SAMTOR: variants seen among roughly 807,000 people sequenced by gnomAD.
SAMTOR encodes UPF0532 protein C7orf60.
chr7:112,895,149 CTT>C, the SAMTOR span, among the ~76,000 whole-genome samples: 6 of 151,398 alleles, frequency 4.0e-5, no homozygotes, highest in Admixed American at 1.3e-4. Context: ...TGTTTTGATT[CTT>C]TGTTTTGATA....
chr7:112,926,253 C>A, the SAMTOR span, among the ~76,000 whole-genome samples: 1 of 152,190 alleles, frequency 6.6e-6, no homozygotes, highest in South Asian at 2.1e-4. Flanking sequence ...TGAGGCAACA[C>A]AGGCATCTGT....
the SAMTOR span, among the ~76,000 whole-genome samples, chr7:112,839,398 C>G: frequency 6.6e-6 from 1 of 151,812 alleles, no homozygotes; most frequent in Admixed American, 6.6e-5. Flanking sequence ...TAGGCAAGAC[C>G]ACTAATGGAT....
At chr7:112,833,080 CA>C in the SAMTOR span, among the ~76,000 whole-genome samples, 2 of 152,134 alleles carry the variant, frequency 1.3e-5, no homozygotes, top group African/African-American at 4.8e-5. Context: ...CTGGCTCCCC[CA>C]CCCCCAACCC....
the SAMTOR span, among the ~76,000 whole-genome samples, chr7:112,877,988 T>C: frequency 2.6e-5 from 4 of 152,286 alleles, no homozygotes; most frequent in East Asian, 7.8e-4. Flanking sequence ...TCTTTTCTTG[T>C]AAATTATCCG....
At chr7:112,927,981 C>T in the SAMTOR span, among the ~76,000 whole-genome samples, 1 of 151,946 alleles carries the variant, frequency 6.6e-6, no homozygotes, top group Non-Finnish European at 1.5e-5. Flanking sequence ...TGACTAAACT[C>T]ACCTTCAAAA....
At chr7:112,827,915 G>A in the SAMTOR span, among the ~76,000 whole-genome samples, 1 of 151,988 alleles carries the variant, frequency 6.6e-6, no homozygotes, top group Non-Finnish European at 1.5e-5. Context: ...GGGTCTTGCT[G>A]TGTTGCATAG....
chr7:112,934,912 T>G, the SAMTOR span, among the ~76,000 whole-genome samples: 3 of 152,344 alleles, frequency 2.0e-5, no homozygotes, highest in South Asian at 6.2e-4. Flanking sequence ...TAAACACTAA[T>G]GTACATTGTA....
At chr7:112,896,200 CGCACGCGCGTGTGTGT>C in the SAMTOR span, among the ~76,000 whole-genome samples, 1 of 151,894 alleles carries the variant, frequency 6.6e-6, no homozygotes, top group Non-Finnish European at 1.5e-5. Context: ...CGTGCACGCG[CGCACGCGCGTGTGTGT>C]GTTTGTATGT....
the SAMTOR span, among the ~76,000 whole-genome samples, chr7:112,886,423 A>G: frequency 6.6e-6 from 1 of 152,236 alleles, no homozygotes; most frequent in Non-Finnish European, 1.5e-5. Context: ...ATACTCTTCA[A>G]CCTAAAACTC....
At chr7:112,933,539 T>C in the SAMTOR span, among the ~76,000 whole-genome samples, 3 of 152,208 alleles carry the variant, frequency 2.0e-5, no homozygotes, top group African/African-American at 7.2e-5. Flanking sequence ...GATGTTTCAC[T>C]CTGTATACTG....
At chr7:112,909,164 C>A in the SAMTOR span, among the ~76,000 whole-genome samples, 1 of 152,152 alleles carries the variant, frequency 6.6e-6, no homozygotes, top group Non-Finnish European at 1.5e-5. Context: ...ATTTTAACCC[C>A]CCAGCCTATC....
the SAMTOR span, among the ~76,000 whole-genome samples, chr7:112,935,595 GTGAT>G: frequency 6.8e-6 from 1 of 147,652 alleles, no homozygotes; most frequent in Non-Finnish European, 1.5e-5. Flanking sequence ...ACTTTTTTTT[GTGAT>G]TGATTTATAA....
the SAMTOR span, among the ~76,000 whole-genome samples, chr7:112,860,374 C>T: frequency 6.6e-6 from 1 of 152,258 alleles, no homozygotes; most frequent in Admixed American, 6.5e-5. Context: ...ATACACAACC[C>T]TACACAGACA....
the SAMTOR span, among the ~76,000 whole-genome samples, chr7:112,902,441 A>C: frequency 8.2e-5 from 11 of 134,020 alleles, 1 homozygote; most frequent in South Asian, 2.4e-4. Flanking sequence ...AAAAAAAACA[A>C]AAAAAAACAA....
the SAMTOR span, among the ~76,000 whole-genome samples, chr7:112,875,382 T>A: frequency 6.6e-6 from 1 of 152,164 alleles, no homozygotes; most frequent in East Asian, 1.9e-4. Flanking sequence ...CAATTATAGC[T>A]TTTCAGACTG....
chr7:112,866,850 T>C, the SAMTOR span, among the ~76,000 whole-genome samples: 2 of 152,244 alleles, frequency 1.3e-5, no homozygotes, highest in East Asian at 1.9e-4. Context: ...GACTTCATAC[T>C]AATCCCTGCT....
chr7:112,896,859 A>G, the SAMTOR span, among the ~76,000 whole-genome samples: 1 of 152,222 alleles, frequency 6.6e-6, no homozygotes, highest in Non-Finnish European at 1.5e-5. Context: ...AAACCAGGAA[A>G]GTAAAGTAGA....
the SAMTOR span, among the ~76,000 whole-genome samples, chr7:112,902,416 C>CAAAAAAAACAAAA: frequency 1.6e-4 from 2 of 12,316 alleles, no homozygotes; most frequent in Non-Finnish European, 2.8e-4. Flanking sequence ...AACTCCGTCT[C>CAAAAAAAACAAAA]AAAAAAAAAA....
chr7:112,879,662 C>T, the SAMTOR span, among the ~76,000 whole-genome samples: 1 of 152,122 alleles, frequency 6.6e-6, no homozygotes, highest in Non-Finnish European at 1.5e-5. Context: ...ATGAACACTT[C>T]CTTCAAGTAA....
Sources: gnomAD v4.1 joint callset for allele counts (sites outside exome capture counted in the v4.1 genomes callset) on GRCh38, gnomAD v4.1.1 for gene constraint, MANE v1.5 for transcripts, NCBI Gene and HGNC (gene_info 2026-07-23, HGNC 2026-07-21) for gene names.